CLEC4E: variants seen among roughly 807,000 people sequenced by gnomAD.
The protein encoded by CLEC4E is C-type lectin domain family 4 member E, also known as C-type (calcium dependent, carbohydrate-recognition domain) lectin, superfamily member 9.
CLEC4E carries 21 observed loss-of-function variants against 24.7 expected under a neutral mutation model. The observed-to-expected ratio is 0.85, with a 90% CI of 0.60 to 1.22. The LOEUF is 1.22. CLEC4E is among the 50% of genes most tolerant of loss of function. The probability of loss-of-function intolerance (pLI) is 0.00; values close to 1 mark genes in which losing one functional copy is unlikely to be tolerated. For synonymous variants in CLEC4E, 94 were observed against 85.7 expected (o/e 1.10, Z -0.54); for missense variants, 249 against 254.1 (o/e 0.98, Z 0.14).
intron 3 of CLEC4E, among the ~76,000 whole-genome samples, chr12:8,537,993 G>T (rs1382372054): frequency 1.3e-5 from 2 of 152,262 alleles, no homozygotes; most frequent in Non-Finnish European, 2.9e-5. Context: ...CCACCAGAGG[G>T]CTCCTTGGTC....
At position 8,540,773 on chromosome 12, in the gene CLEC4E, T is replaced by A. The variant is rs2136402246; in HGVS notation, c.25A>T (p.Thr9Ser). The A allele has an allele frequency of 6.2e-7, 1 of 1,610,210 alleles. No individual in the cohort carries two copies. Among genetic ancestry groups the A allele is most frequent in the Non-Finnish European group, 8.5e-7 (1 of 1,176,708 alleles). ...TTGCAGATTTTACCTGTGCATTGTGTTTCAGATGATTTAGATGAATTCATT... is the reference window on the plus strand; with the variant it reads ...TTGCAGATTTTACCTGTGCATTGTGATTCAGATGATTTAGATGAATTCATT... MNSSKSSE[T>S]QCTERGCFSS... The change falls in exon 1 of 6, where the codon ACA becomes TCA. Residue 9 changes from threonine (T) to serine (S), a missense_variant. By Grantham distance (58) the Thr-to-Ser change is moderately conservative (BLOSUM62 1). Transcript: ENST00000299663.
At chr12:8,536,772 ATAT>A (rs1940620610) in intron 4 of CLEC4E, among the ~76,000 whole-genome samples, 1 of 152,188 alleles carries the variant, frequency 6.6e-6, no homozygotes, top group African/African-American at 2.4e-5. Context: ...CTAGCGCAAA[ATAT>A]TATTAATCAC....
chr12:8,537,965 C>T (rs912672801), intron 3 of CLEC4E, among the ~76,000 whole-genome samples: 3 of 152,184 alleles, frequency 2.0e-5, no homozygotes, highest in Non-Finnish European at 2.9e-5. Flanking sequence ...GCGAGCCTTC[C>T]GTTATGCCCG....
At chr12:8,537,824 A>T (rs952267396) in intron 3 of CLEC4E, among the ~76,000 whole-genome samples, 1 of 152,236 alleles carries the variant, frequency 6.6e-6, no homozygotes, top group Non-Finnish European at 1.5e-5. Context: ...ATTAATCATT[A>T]GTTTGTAGCA....
At chr12:8,540,041 C>T (rs1281968237) in intron 1 of CLEC4E, 94 bp from the exon 2 acceptor site, 2 of 832,562 alleles carry the variant, frequency 2.4e-6, no homozygotes, top group African/African-American at 1.7e-5. Context: ...TTATTTCCTT[C>T]TACTTCCATT....
intron 1 of CLEC4E, 142 bp downstream of exon 1, chr12:8,540,619 A>ATC (rs372714478): frequency 3.1e-5 from 22 of 715,704 alleles, no homozygotes; most frequent in Middle Eastern, 5.8e-4. Flanking sequence ...TAGTCTTTAA[A>ATC]TCTCTCTCTC....
downstream of CLEC4E, chr12:8,533,294 TA>T (rs1329191126): frequency 6.6e-6 from 1 of 152,234 alleles, no homozygotes; most frequent in East Asian, 1.9e-4. Context: ...TACTCTTTAA[TA>T]ACGTCATCAG....
intron 3 of CLEC4E, 24 bp from the exon 4 acceptor site, chr12:8,537,290 A>C: frequency 5.0e-6 from 8 of 1,608,264 alleles, no homozygotes; most frequent in Non-Finnish European, 6.8e-6. Flanking sequence ...TGTTTCAGTG[A>C]GTGTCCCAGG....
chr12:8,534,514 A>T lies in CLEC4E; in HGVS notation c.*124T>A. ...TTTAAAACTACTTATTTTTATTTAT[A>T]TCAGAGTAACAAATACTTATGAAGT... is the stretch of plus-strand genomic sequence containing the variant. On this transcript the variant is annotated 3_prime_UTR_variant, in exon 6 of 6. Transcript: ENST00000299663. The T allele has an allele frequency of 1.6e-6, 1 of 617,812 alleles. No individual in the cohort carries two copies. The highest frequency in any genetic ancestry group is 2.8e-6 in the Non-Finnish European group (1 of 363,480). The allele number at this position is 617,812 out of a possible 1,614,324, so 38.3% of individuals were successfully genotyped here.
intron 3 of CLEC4E, among the ~76,000 whole-genome samples, chr12:8,538,230 C>G (rs2136399834): frequency 6.6e-6 from 1 of 152,370 alleles, no homozygotes; most frequent in Admixed American, 6.5e-5. Context: ...AACCGTCTCC[C>G]TGTGATGCTG....
In CLEC4E at chr12:8,534,535, G is replaced by C. The variant is rs1940584812; in HGVS notation, c.*103C>G. 3 of 736,408 alleles carry C rather than the reference G, an allele frequency of 4.1e-6. No homozygotes were observed. The highest frequency in any genetic ancestry group is 2.8e-5 in the Admixed American group (1 of 35,638). 45.6% of individuals were successfully genotyped at this position (736,408 alleles called of 1,614,324 possible). ...TTATATCAGAGTAACAAATACTTAT[G>C]AAGTCCTTTGAAGTTCAGCGCACAA... is the stretch of plus-strand genomic sequence containing the variant. On this transcript the variant is annotated 3_prime_UTR_variant, in exon 6 of 6. Coordinates refer to ENST00000299663, the MANE Select transcript of CLEC4E (RefSeq NM_014358.4).
chr12:8,539,407 T>G, intron 2 of CLEC4E, 101 bp from the exon 3 acceptor site: 1 of 761,204 alleles, frequency 1.3e-6, no homozygotes, highest in Non-Finnish European at 2.2e-6. Flanking sequence ...AATTATCATG[T>G]TTTTTCTTAC....
At chr12:8,535,697 T>C (rs759018148) in intron 5 of CLEC4E, among the ~76,000 whole-genome samples, 1 of 152,204 alleles carries the variant, frequency 6.6e-6, no homozygotes, top group African/African-American at 2.4e-5. Context: ...TAAAAAATGC[T>C]ATGTTCTAAT....
At position 8,539,864 on chromosome 12, in the gene CLEC4E, T is replaced by G. The variant is rs773155374; in HGVS notation, c.121A>C (p.Arg41=). The G allele has an allele frequency of 6.2e-7, 1 of 1,603,814 alleles. No individual in the cohort carries two copies. The highest frequency in any genetic ancestry group is 1.3e-5 in the African/African-American group (1 of 74,694). Residue 41 remains arginine (R), a synonymous_variant, in exon 2 of 6, where the codon AGA becomes CGA. Transcript: ENST00000299663. ...ILFLSACFIT[R]CVVTFRIFQT... ...GACCTTCAGAACCCACCAACACATC[T>G]GGTGATGAAACAGGCACTGAGAAAT...
rs1217150477 is a variant in CLEC4E, at chr12:8,539,942, C to T, written c.43G>A (p.Gly15Arg). 1.9e-6 allele frequency: 3 copies of T among 1,595,186 alleles called. No individual in the cohort carries two copies. In the African/African-American group the frequency reaches 4.0e-5, roughly 21 times the overall value. The change falls in exon 2 of 6, where the codon GGA becomes AGA. Residue 15 changes from glycine (G) to arginine (R), a missense_variant. Coordinates refer to ENST00000299663, the MANE Select transcript of CLEC4E (RefSeq NM_014358.4). ...AAGAACATTTGGGAAGAGAAGCATC[C>T]TCTCTCTGTAGAAAGAAAGACACAA... ...KSSETQCTER[G>R]CFSSQMFLWT...
intron 3 of CLEC4E, among the ~76,000 whole-genome samples, chr12:8,538,007 C>T (rs777016858): frequency 7.2e-5 from 11 of 152,364 alleles, no homozygotes; most frequent in African/African-American, 2.2e-4. Flanking sequence ...CTTGGTCTAG[C>T]GGTGACGCCA....
In CLEC4E at chr12:8,536,090, C is replaced by G. The variant is rs868807180; in HGVS notation, c.488G>C (p.Ser163Thr). Residue 163 changes from serine (S) to threonine (T), a missense_variant and splice_region_variant, in exon 5 of 6, where the codon AGC becomes ACC. By Grantham distance (58) the Ser-to-Thr change is moderately conservative. Coordinates refer to ENST00000299663, the MANE Select transcript of CLEC4E (RefSeq NM_014358.4). ...VDGTPLTKSL[S>T]FWDVGEPNNI... ...CTCCTCTCAATAGGAGGGTAATTAC[C>G]TCAGAGACTTTGTCAAAGGTGTGCC... 6.3e-7 allele frequency: 1 copy of G among 1,598,976 alleles called. No homozygotes were observed. Among genetic ancestry groups the G allele is most frequent in the Non-Finnish European group, 8.6e-7 (1 of 1,166,856 alleles).
Position 8,534,613 on chromosome 12 carries a change from C to A in CLEC4E, c.*25G>T. 1 of 1,589,214 alleles carries A rather than the reference C, an allele frequency of 6.3e-7. No individual in the cohort carries two copies. Among genetic ancestry groups the A allele is most frequent in the Non-Finnish European group, 8.6e-7 (1 of 1,163,538 alleles). On this transcript the variant is annotated 3_prime_UTR_variant, in exon 6 of 6. Coordinates refer to ENST00000299663, the MANE Select transcript of CLEC4E (RefSeq NM_014358.4). ...CCATGTTCTTGCTCTTCCTTCTTTA[C>A]ACATTTGAGTTGTGCCTTCTGTTCT...
chr12:8,539,861 A>G lies in CLEC4E; in HGVS notation c.124T>C (p.Cys42Arg). 1 of 1,597,886 alleles carries G rather than the reference A, an allele frequency of 6.3e-7. No homozygotes were observed. The highest frequency in any genetic ancestry group is 8.6e-7 in the Non-Finnish European group (1 of 1,165,234). ...TTTGACCTTCAGAACCCACCAACAC[A>G]TCTGGTGATGAAACAGGCACTGAGA... is the stretch of plus-strand genomic sequence containing the variant. The part of the protein sequence containing the change: ...LFLSACFITR[C>R]VVTFRIFQTC... Residue 42 changes from cysteine to arginine, a missense_variant, in exon 2 of 6, where the codon TGT becomes CGT. Coordinates refer to ENST00000299663, the MANE Select transcript of CLEC4E (RefSeq NM_014358.4).
Sources: gnomAD v4.1 joint callset for allele counts (sites outside exome capture counted in the v4.1 genomes callset) on GRCh38, gnomAD v4.1.1 for gene constraint, MANE v1.5 for transcripts, NCBI Gene and HGNC (gene_info 2026-07-23, HGNC 2026-07-21) for gene names.